MCM10: variants seen among roughly 807,000 people sequenced by gnomAD.
MCM10 encodes minichromosome maintenance 10 replication initiation factor, also known as protein MCM10 homolog.
In MCM10, 91 loss-of-function variants were observed where a neutral mutation model predicts 109.9. The ratio of observed to expected loss-of-function variants is 0.83; its 90% CI spans 0.70 to 0.99. MCM10 has a LOEUF of 0.99. Ranked by LOEUF, MCM10 falls within the 50% of genes least tolerant of loss-of-function variation. The pLI is 0.00. For missense variants in MCM10, 1,077 were observed against 1,061.2 expected (o/e 1.01, Z -0.21); for synonymous variants, 380 against 387.2 (o/e 0.98, Z 0.22).
intron 7 of MCM10, among the ~76,000 whole-genome samples, chr10:13,181,414 T>C (rs116133988): frequency 0.02 from 3,016 of 152,188 alleles, 90 homozygotes; most frequent in African/African-American, 0.056. Flanking sequence ...CTCCACAAAC[T>C]AATGCAGGAA....
At chr10:13,189,262 G>GGA (rs1183439534) in intron 10 of MCM10, among the ~76,000 whole-genome samples, 182 bp downstream of exon 10, 1 of 152,060 alleles carries the variant, frequency 6.6e-6, no homozygotes, top group Non-Finnish European at 1.5e-5. Context: ...AAAACTTTCA[G>GGA]GAGAGAGAGA....
intron 18 of MCM10, among the ~76,000 whole-genome samples, chr10:13,207,578 G>T (rs1834600226): frequency 6.6e-6 from 1 of 152,158 alleles, no homozygotes; most frequent in South Asian, 2.1e-4. Context: ...TTGAGAGAGG[G>T]ACTCAGTGGG....
chr10:13,197,781 A>G lies in MCM10; in HGVS notation c.2119+14A>G. The G allele has an allele frequency of 6.2e-7, 1 of 1,600,126 alleles. No homozygotes were observed. Among genetic ancestry groups the G allele is most frequent in the Non-Finnish European group, 8.5e-7 (1 of 1,176,576 alleles). Reference sequence around the variant, plus strand: ...TTTCTTCTCAAGGTACTGCAGTTTCACAGTTAACAGTGGGAAAGAGAAACT... The same window carrying G: ...TTTCTTCTCAAGGTACTGCAGTTTCGCAGTTAACAGTGGGAAAGAGAAACT... On this transcript the variant is annotated intron_variant, in intron 15 of 19. Transcript: ENST00000378714.
intron 1 of MCM10, among the ~76,000 whole-genome samples, chr10:13,162,407 C>T (rs1162047356): frequency 1.3e-5 from 2 of 152,100 alleles, no homozygotes; most frequent in Non-Finnish European, 2.9e-5. Flanking sequence ...CTAAAGGTTA[C>T]TAAGGAAAGG....
intron 18 of MCM10, among the ~76,000 whole-genome samples, chr10:13,206,307 C>A (rs768700400): frequency 6.6e-6 from 1 of 152,234 alleles, no homozygotes; most frequent in South Asian, 2.1e-4. Flanking sequence ...GCACCCTATA[C>A]CCTCCCCACA....
intron 6 of MCM10, 44 bp from the exon 7 acceptor site, chr10:13,180,398 C>T (rs2131567835): frequency 6.4e-7 from 1 of 1,561,952 alleles, no homozygotes; most frequent in Middle Eastern, 1.7e-4. Flanking sequence ...CAGGTAATTT[C>T]TTTATTAGAA....
At chr10:13,194,120 T>C (rs1049975554) in intron 13 of MCM10, among the ~76,000 whole-genome samples, 1 of 152,134 alleles carries the variant, frequency 6.6e-6, no homozygotes, top group Non-Finnish European at 1.5e-5. Flanking sequence ...TCCTAGCACT[T>C]TGGGAGGCCG....
intron 2 of MCM10, among the ~76,000 whole-genome samples, chr10:13,168,582 CAAAT>C (rs140820756): frequency 1.3e-5 from 2 of 152,024 alleles, no homozygotes; most frequent in African/African-American, 4.8e-5. Flanking sequence ...ATTTTATAAA[CAAAT>C]AGTGCCCAAA....
chr10:13,188,569 A>G (rs910244538), intron 9 of MCM10, among the ~76,000 whole-genome samples: 13 of 145,726 alleles, frequency 8.9e-5, no homozygotes, highest in Admixed American at 3.4e-4. Context: ...TATATTAAAT[A>G]ACATAGGACC....
In MCM10 at chr10:13,171,279, G is replaced by T. The variant is rs769344971; in HGVS notation, c.349+16G>T. The T allele has an allele frequency of 6.3e-7, 1 of 1,580,962 alleles. No homozygotes were observed. Among genetic ancestry groups the T allele is most frequent in the Non-Finnish European group, 8.6e-7 (1 of 1,164,708 alleles). On this transcript the variant is annotated intron_variant, in intron 3 of 19. Coordinates refer to ENST00000378714, the MANE Select transcript of MCM10 (RefSeq NM_018518.5). Reference sequence around the variant, plus strand: ...GAGTTGCAAGGTGCCCTAACTACTTGCCTTCCTTATTTCTTTCGGATAAGT... The same window carrying T: ...GAGTTGCAAGGTGCCCTAACTACTTTCCTTCCTTATTTCTTTCGGATAAGT...
intron 18 of MCM10, among the ~76,000 whole-genome samples, chr10:13,205,002 G>A (rs7072227): frequency 0.25 from 1,264 of 5,014 alleles, 27 homozygotes; most frequent in East Asian, 0.32. Context: ...ATGTATGTAT[G>A]TATATATATA....
intron 17 of MCM10, chr10:13,201,953 C>T (rs1389000300): frequency 6.0e-6 from 1 of 165,462 alleles, no homozygotes; most frequent in Non-Finnish European, 1.3e-5. Context: ...TCAATCTGCT[C>T]TGTTGAGTCT....
At chr10:13,208,968 T>A in intron 18 of MCM10, 123 bp from the exon 19 acceptor site, 1 of 735,832 alleles carries the variant, frequency 1.4e-6, no homozygotes, top group Non-Finnish European at 2.4e-6. Flanking sequence ...ACAATACGAA[T>A]GTCACCTTGA....
chr10:13,198,761 A>G lies in MCM10; in HGVS notation c.2192A>G (p.Gln731Arg). The G allele has an allele frequency of 6.2e-7, 1 of 1,613,868 alleles. No individual in the cohort carries two copies. The highest frequency in any genetic ancestry group is 8.5e-7 in the Non-Finnish European group (1 of 1,180,014). Residue 731 changes from glutamine (Q) to arginine (R), a missense_variant, in exon 16 of 20, where the codon CAG (glutamine) becomes CGG (arginine). By Grantham distance (43) the Gln-to-Arg change is conservative (BLOSUM62 1). Transcript: ENST00000378714. ...GCCTATCTGGAATCTGAGGAATTTC[A>G]GAAAATCCTAAAAGCAAAATCAAAA... Reference protein sequence around the residue: ...QLAYLESEEFQKILKAKSKHT... With the variant: ...QLAYLESEEFRKILKAKSKHT...
Position 13,182,311 on chromosome 10 carries a change from G to GA in MCM10, c.931-618dup, listed in dbSNP as rs1187836368. On this transcript the variant is annotated intron_variant, in intron 7 of 19. Transcript: ENST00000378714. The surrounding 1 kb of genome is among the most constrained non-coding windows in gnomAD (Gnocchi z 4.2). The stretch of plus-strand genomic sequence containing the variant: ...CAACATAGTGAGACCTCATCTCTAT[G>GA]AAAAGAAAAAAAAAATTAGCTGGGG... 6.6e-6 allele frequency among the ~76,000 whole-genome samples: 1 copy of GA among 151,268 alleles called. No homozygotes were observed. Among genetic ancestry groups the GA allele is most frequent in the Admixed American group, 6.6e-5 (1 of 15,208 alleles).
Position 13,195,161 on chromosome 10 carries a change from A to G in MCM10, c.1866A>G (p.Thr622=). 2 of 1,614,138 alleles carry G rather than the reference A, an allele frequency of 1.2e-6. No individual in the cohort carries two copies. The highest frequency in any genetic ancestry group is 1.7e-6 in the Non-Finnish European group (2 of 1,180,018). The change falls in exon 14 of 20, where the codon ACA becomes ACG. Residue 622 remains threonine (T), a synonymous_variant. Coordinates refer to ENST00000378714, the MANE Select transcript of MCM10 (RefSeq NM_018518.5). ...EFPRLEGAPA[T]MTPKLGRGVL... Reference sequence around the variant, plus strand: ...CCAGGCTGGAGGGAGCCCCGGCCACAATGACGCCCAAGCTGGGGCGAGGTG... The same window carrying G: ...CCAGGCTGGAGGGAGCCCCGGCCACGATGACGCCCAAGCTGGGGCGAGGTG...
chr10:13,164,830 G>A (rs1341067737), intron 2 of MCM10, among the ~76,000 whole-genome samples: 1 of 152,104 alleles, frequency 6.6e-6, no homozygotes, highest in Non-Finnish European at 1.5e-5. Context: ...AGGCCGGGGT[G>A]GGAGGATTGC....
At position 13,191,301 on chromosome 10, in the gene MCM10, C is replaced by A; in HGVS notation, c.1418C>A (p.Ala473Glu). The change falls in exon 11 of 20, where the codon GCA becomes GAA. Residue 473 changes from alanine to glutamate, a missense_variant and splice_region_variant. Ala to Glu is a moderately radical substitution (Grantham distance 107). Coordinates refer to ENST00000378714, the MANE Select transcript of MCM10 (RefSeq NM_018518.5). ...TTGGGGGTGACTTGTCATTTCAGTG[C>A]AGCAGCTGTGGCTCCTAAGAAGAAG... ...VSSASYAASI[A>E]AAVAPKKKIQ... is the part of the protein sequence containing the mutation. 6.2e-7 allele frequency: 1 copy of A among 1,610,814 alleles called. No individual in the cohort carries two copies. Among genetic ancestry groups the A allele is most frequent in the East Asian group, 2.2e-5 (1 of 44,862 alleles).
At chr10:13,191,438 T>C (rs1834345657) in intron 11 of MCM10, 39 bp downstream of exon 11, 2 of 1,527,704 alleles carry the variant, frequency 1.3e-6, no homozygotes, top group Non-Finnish European at 1.8e-6. Context: ...TTTCTCCAGT[T>C]TAATTATGCA....
Sources: gnomAD v4.1 joint callset for allele counts (sites outside exome capture counted in the v4.1 genomes callset) on GRCh38, gnomAD v4.1.1 for gene constraint, Gnocchi (gnomAD v3.1) non-coding constraint, MANE v1.5 for transcripts, NCBI Gene and HGNC (gene_info 2026-07-23, HGNC 2026-07-21) for gene names.